Variants in ADAMTSL1 observed in about 807,000 individuals in gnomAD.
ADAMTSL1 encodes the protein ADAMTS like 1, also known as ADAMTS-like protein 1.
ADAMTSL1 carries 126 observed loss-of-function variants against 201.8 expected under a neutral mutation model. That is an observed-to-expected ratio of 0.62 (90% confidence interval 0.54 to 0.72). The LOEUF (loss-of-function observed/expected upper bound fraction) is 0.72. Among genes scored for constraint, ADAMTSL1 ranks in the 30% least tolerant of loss-of-function variants. ADAMTSL1 has a pLI of 0.00. For missense variants in ADAMTSL1, 2,679 were observed against 2,277.8 expected (o/e 1.18, Z -3.59); for synonymous variants, 1,121 against 903.4 (o/e 1.24, Z -4.32).
At chr9:18,865,122 G>C (rs1827432109) in intron 23 of ADAMTSL1, among the ~76,000 whole-genome samples, 1 of 151,998 alleles carries the variant, frequency 6.6e-6, no homozygotes, top group South Asian at 2.1e-4. Flanking sequence ...CATGTGCCAT[G>C]TTGGTGTGCT....
intron 1 of ADAMTSL1, among the ~76,000 whole-genome samples, chr9:17,943,284 G>A (rs1827317097): frequency 6.6e-6 from 1 of 152,086 alleles, no homozygotes; most frequent in Non-Finnish European, 1.5e-5. Context: ...TTCATAAAGA[G>A]TAGCTTATAA....
chr9:17,917,110 G>C (rs769209770), intron 1 of ADAMTSL1, among the ~76,000 whole-genome samples: 2 of 151,578 alleles, frequency 1.3e-5, no homozygotes, highest in African/African-American at 4.8e-5. Flanking sequence ...CTTGTTTTCC[G>C]CAACTTTATT....
chr9:18,279,618 G>T (rs561105783), intron 2 of ADAMTSL1, among the ~76,000 whole-genome samples: 1 of 151,774 alleles, frequency 6.6e-6, no homozygotes, highest in Non-Finnish European at 1.5e-5. Flanking sequence ...TAAGTCACTA[G>T]TAACTGGACC....
At chr9:18,648,926 T>C (rs376482561) in intron 7 of ADAMTSL1, among the ~76,000 whole-genome samples, 5 of 152,154 alleles carry the variant, frequency 3.3e-5, no homozygotes, top group African/African-American at 7.2e-5. Flanking sequence ...TGAATCTGAA[T>C]GTTGGCCTGC....
intron 14 of ADAMTSL1, among the ~76,000 whole-genome samples, chr9:18,715,605 G>A (rs924969342): frequency 1.1e-4 from 16 of 152,024 alleles, no homozygotes; most frequent in African/African-American, 3.6e-4. Flanking sequence ...ACAAATGGAA[G>A]AACATTCCAT....
At chr9:18,572,277 T>G (rs1287717278) in intron 3 of ADAMTSL1, among the ~76,000 whole-genome samples, 1 of 152,214 alleles carries the variant, frequency 6.6e-6, no homozygotes, top group African/African-American at 2.4e-5. Context: ...TAATATAGTT[T>G]TGCTGGTTGT....
chr9:17,919,455 C>A (rs1826222507), intron 1 of ADAMTSL1, among the ~76,000 whole-genome samples: 2 of 151,964 alleles, frequency 1.3e-5, no homozygotes, highest in East Asian at 1.9e-4. Context: ...AAAAAGAAAT[C>A]TTGTACCCTT....
At chr9:18,518,259 C>T (rs541827895) in intron 2 of ADAMTSL1, among the ~76,000 whole-genome samples, 8 of 152,130 alleles carry the variant, frequency 5.3e-5, no homozygotes, top group South Asian at 2.1e-4. Context: ...AAATATTGAA[C>T]GTCGTACTCA....
At chr9:17,994,137 A>T (rs1819278222) in intron 1 of ADAMTSL1, among the ~76,000 whole-genome samples, 1 of 149,340 alleles carries the variant, frequency 6.7e-6, no homozygotes, top group Non-Finnish European at 1.5e-5. Context: ...TATAGTCCAC[A>T]GGGGTGATCC....
At chr9:18,659,856 T>C (rs1312629469) in intron 8 of ADAMTSL1, among the ~76,000 whole-genome samples, 1 of 152,132 alleles carries the variant, frequency 6.6e-6, no homozygotes, top group East Asian at 1.9e-4. Flanking sequence ...ATTATTTTGA[T>C]ATTTTTACTA....
chr9:17,916,573 C>T (rs536199381), intron 1 of ADAMTSL1, among the ~76,000 whole-genome samples: 3 of 152,210 alleles, frequency 2.0e-5, no homozygotes, highest in South Asian at 4.1e-4. Context: ...CAAAGACCAT[C>T]CTTTCTCCAC....
chr9:18,459,017 T>A (rs749011057), intron 2 of ADAMTSL1, among the ~76,000 whole-genome samples: 3 of 152,140 alleles, frequency 2.0e-5, no homozygotes, highest in Non-Finnish European at 4.4e-5. Flanking sequence ...GGCCTAAAAT[T>A]TTCTAGAATT....
intron 2 of ADAMTSL1, among the ~76,000 whole-genome samples, chr9:18,188,245 G>A (rs1005292211): frequency 1.3e-5 from 2 of 151,968 alleles, no homozygotes; most frequent in Non-Finnish European, 2.9e-5. Context: ...TTTTTCATAT[G>A]GTTCCAGAAC....
intron 2 of ADAMTSL1, among the ~76,000 whole-genome samples, chr9:18,170,271 A>C (rs1455637741): frequency 6.6e-6 from 1 of 152,014 alleles, no homozygotes; most frequent in Non-Finnish European, 1.5e-5. Context: ...TCATTTCTAC[A>C]TTTTTATGGA....
At position 18,764,695 on chromosome 9, in the gene ADAMTSL1, GT is replaced by G. The variant is rs1243914229; in HGVS notation, c.2218-5906del. ...GTAGCTAAAGCATGGGCACATGACA[GT>G]ATGTCAAGGAATGGGCTGGAAAGCT... On this transcript the variant is annotated intron_variant, in intron 16 of 28. Coordinates refer to ENST00000380548, the MANE Select transcript of ADAMTSL1 (RefSeq NM_001040272.6). Among the ~76,000 whole-genome samples the G allele has an allele frequency of 5.9e-5, 9 of 152,370 alleles. No individual in the cohort carries two copies. The South Asian group carries it at 1.9e-3, about 32-fold the overall frequency.
chr9:18,155,871 G>A (rs1041856175), intron 1 of ADAMTSL1, among the ~76,000 whole-genome samples: 1 of 152,038 alleles, frequency 6.6e-6, no homozygotes, highest in Non-Finnish European at 1.5e-5. Context: ...CTAGAATTTT[G>A]TCCTGCCAAG....
At chr9:18,237,737 A>T (rs1225166633) in intron 2 of ADAMTSL1, among the ~76,000 whole-genome samples, 2 of 152,236 alleles carry the variant, frequency 1.3e-5, no homozygotes, top group Non-Finnish European at 2.9e-5. Context: ...CTGTAACCTC[A>T]TTAAATTATC....
At position 17,952,366 on chromosome 9, in the gene ADAMTSL1, C is replaced by A. The variant is rs930823530; in HGVS notation, c.87+45444C>A. Among the ~76,000 whole-genome samples, 4 of 151,880 alleles carry A rather than the reference C, an allele frequency of 2.6e-5. No homozygotes were observed. In the South Asian group the frequency reaches 8.3e-4, roughly 32 times the overall value. ...AAAGTTTTATTTTTTAACTTACAGG[C>A]CTTTAATCCATGTGGTAATTTTTTG... is the stretch of plus-strand genomic sequence containing the variant. On this transcript the variant is annotated intron_variant, in intron 1 of 29. Coordinates refer to the ADAMTSL1 transcript ENST00000680146.
chr9:18,371,641 C>A (rs941688319), intron 2 of ADAMTSL1, among the ~76,000 whole-genome samples: 3 of 152,162 alleles, frequency 2.0e-5, no homozygotes, highest in African/African-American at 7.2e-5. Flanking sequence ...GTTTTAGAAG[C>A]ATGAAATACA....
Sources: gnomAD v4.1 joint callset for allele counts (sites outside exome capture counted in the v4.1 genomes callset) on GRCh38, gnomAD v4.1.1 for gene constraint, MANE v1.5 for transcripts, NCBI Gene and HGNC (gene_info 2026-07-23, HGNC 2026-07-21) for gene names.